The following UBE2O variants were observed in gnomAD, a reference collection of about 807,000 sequenced individuals.
UBE2O encodes ubiquitin conjugating enzyme E2 O.
Under a neutral mutation model 125.8 loss-of-function variants are expected in UBE2O, and 15 were observed. The observed-to-expected ratio is 0.12, with a 90% CI of 0.08 to 0.18. The LOEUF is 0.18. UBE2O is among the 10% of genes least tolerant of loss of function. The pLI, the probability that UBE2O is intolerant of heterozygous loss-of-function variation, is 1.00. For missense variants in UBE2O, 1,280 were observed against 1,723.6 expected (o/e 0.74, Z 4.56); for synonymous variants, 708 against 703.2 (o/e 1.01, Z -0.11).
Position 76,398,979 on chromosome 17 carries a change from C to T in UBE2O, c.1641G>A (p.Glu547=), listed in dbSNP as rs533641690. 2 of 1,613,908 alleles carry T rather than the reference C, an allele frequency of 1.2e-6. No individual in the cohort carries two copies. The highest frequency in any genetic ancestry group is 1.3e-5 in the African/African-American group (1 of 75,054). ...DFKPGDRVAV[E]VVTTMTSADV... ...CGGCTGAGGTCATCGTGGTCACCAC[C>T]TCCACTGCCACCCTGCGGGTGCAGG... The change falls in exon 10 of 18, where the codon GAG becomes GAA. Residue 547 remains glutamate (E), a synonymous_variant. Transcript: ENST00000319380. The surrounding 1 kb of genome is among the most constrained non-coding windows in gnomAD (Gnocchi z 5.4).
At chr17:76,421,656 C>T (rs930802100) in intron 1 of UBE2O, among the ~76,000 whole-genome samples, 64 of 152,238 alleles carry the variant, frequency 4.2e-4, no homozygotes, top group African/African-American at 1.4e-3. Flanking sequence ...TGAGCCACCA[C>T]GCCCGGCCCT....
Position 76,407,317 on chromosome 17 carries a change from G to A in UBE2O, c.418-1745C>T, listed in dbSNP as rs569912370. The stretch of plus-strand genomic sequence containing the variant: ...GGCTGGAGAGGCATGCTGGCGTGAC[G>A]GTGCCACTTTTCTAAATCAAAGAAT... On this transcript the variant is annotated intron_variant, in intron 1 of 17. Coordinates refer to ENST00000319380, the MANE Select transcript of UBE2O (RefSeq NM_022066.4). Among the ~76,000 whole-genome samples the A allele has an allele frequency of 5.9e-5, 9 of 152,286 alleles. No individual in the cohort carries two copies. The South Asian group carries it at 8.3e-4, about 14-fold the overall frequency.
At chr17:76,423,545 T>TA (rs2072743851) in intron 1 of UBE2O, among the ~76,000 whole-genome samples, 1 of 151,192 alleles carries the variant, frequency 6.6e-6, no homozygotes, top group South Asian at 2.1e-4. Context: ...TACAAAAAAT[T>TA]AGCCAGGCAT....
intron 1 of UBE2O, among the ~76,000 whole-genome samples, chr17:76,431,778 G>C (rs1406989305): frequency 6.6e-6 from 1 of 152,120 alleles, no homozygotes; most frequent in Non-Finnish European, 1.5e-5. Flanking sequence ...CTATGAAAAA[G>C]TAAAATTAAG....
In UBE2O at chr17:76,404,496, T is replaced by C. The variant is rs1323853307; in HGVS notation, c.588+710A>G. On this transcript the variant is annotated intron_variant, in intron 3 of 17. Transcript: ENST00000319380. This position sits in a 1 kb window ranked among gnomAD's most constrained non-coding sequence, Gnocchi z 4.3. ...AAGCGATTCCAGATTGGAGAGAAAATGAAGAGATGACAACTCAATGCAAGA... is the reference window on the plus strand; with the variant it reads ...AAGCGATTCCAGATTGGAGAGAAAACGAAGAGATGACAACTCAATGCAAGA... Among the ~76,000 whole-genome samples the C allele has an allele frequency of 1.3e-5, 2 of 151,950 alleles. No individual in the cohort carries two copies. The highest frequency in any genetic ancestry group is 2.9e-5 in the Non-Finnish European group (2 of 67,998).
At chr17:76,448,804 G>A (rs1427522220) in intron 1 of UBE2O, among the ~76,000 whole-genome samples, 1 of 152,252 alleles carries the variant, frequency 6.6e-6, no homozygotes, top group Non-Finnish European at 1.5e-5. Flanking sequence ...GCTCATGAAG[G>A]TTTAAGTGGC....
At chr17:76,420,024 A>G (rs956230266) in intron 1 of UBE2O, among the ~76,000 whole-genome samples, 12 of 152,120 alleles carry the variant, frequency 7.9e-5, no homozygotes, top group Non-Finnish European at 1.5e-5. Flanking sequence ...ACCTTGGGGC[A>G]GCAGAAAGCT....
chr17:76,429,918 G>A (rs984847852), intron 1 of UBE2O, among the ~76,000 whole-genome samples: 4 of 152,102 alleles, frequency 2.6e-5, no homozygotes, highest in Non-Finnish European at 1.5e-5. Flanking sequence ...TCTCTCACTC[G>A]CCAGCAAAGG....
rs2072344424 is a variant in UBE2O at position 76,402,445 on chromosome 17, G to C, written c.686+157C>G. Among the ~76,000 whole-genome samples, 4 of 152,162 alleles carry C rather than the reference G, an allele frequency of 2.6e-5. No homozygotes were observed. The highest frequency in any genetic ancestry group is 9.7e-5 in the African/African-American group (4 of 41,436). On this transcript the variant is annotated intron_variant, in intron 4 of 17. Transcript: ENST00000319380. This position sits in a 1 kb window ranked among gnomAD's most constrained non-coding sequence, Gnocchi z 5.4. ...AGAAATAGGCCACGGCAGATAAGGA[G>C]AACGGTACAGGGTTAGGCCCTGGAT...
In UBE2O at chr17:76,396,146, C is replaced by T. The variant is rs769258845; in HGVS notation, c.2791G>A (p.Val931Ile). The T allele has an allele frequency of 1.9e-4, 306 of 1,612,144 alleles. No homozygotes were observed. The highest frequency in any genetic ancestry group is 2.5e-4 in the Non-Finnish European group (291 of 1,179,020). The part of the protein sequence containing the change: ...FTSAKGEVFS[V>I]LEFAPSNHSF... ...GACTCACAGGGTGCAAACTCCAGTA[C>T]GGAGAAGACCTCGCCCTTGGCGCTG... Residue 931 changes from valine (V) to isoleucine (I), a missense_variant, in exon 14 of 18, where the codon GTA becomes ATA. By Grantham distance (29) the Val-to-Ile change is conservative. Transcript: ENST00000319380. The surrounding 1 kb of genome is among the most constrained non-coding windows in gnomAD (Gnocchi z 6.7).
At position 76,393,498 on chromosome 17, in the gene UBE2O, G is replaced by C. The variant is rs181797783; in HGVS notation, c.2947-1385C>G. 3.2e-3 allele frequency among the ~76,000 whole-genome samples: 494 copies of C among 152,052 alleles called. 8 individuals carry two copies. The highest frequency in any genetic ancestry group is 0.011 in the African/African-American group (456 of 41,516). On this transcript the variant is annotated intron_variant, in intron 15 of 17. Coordinates refer to ENST00000319380, the MANE Select transcript of UBE2O (RefSeq NM_022066.4). ...TCCGCCCACCTTGGCCTCCCAAAGT[G>C]CTGGGATTACAGGCGTGAGCCACCA...
chr17:76,403,003 C>CA (rs1302541158), intron 3 of UBE2O, among the ~76,000 whole-genome samples: 1 of 152,152 alleles, frequency 6.6e-6, no homozygotes, highest in Non-Finnish European at 1.5e-5. Context: ...ATGGGACATC[C>CA]ATGGACACAG....
At chr17:76,416,077 A>G (rs185038465) in intron 1 of UBE2O, among the ~76,000 whole-genome samples, 16 of 150,084 alleles carry the variant, frequency 1.1e-4, no homozygotes, top group Non-Finnish European at 1.8e-4. Flanking sequence ...ACGTATGTGT[A>G]TACATATGTA....
intron 1 of UBE2O, among the ~76,000 whole-genome samples, chr17:76,412,494 CAG>C (rs2072533563): frequency 6.6e-6 from 1 of 151,982 alleles, no homozygotes; most frequent in South Asian, 2.1e-4. Context: ...GTGGGAGAGA[CAG>C]AGCTTCCAAT....
chr17:76,446,267 G>A (rs1336008011), intron 1 of UBE2O, among the ~76,000 whole-genome samples: 3 of 152,188 alleles, frequency 2.0e-5, no homozygotes, highest in Non-Finnish European at 2.9e-5. Context: ...GACCACCAGC[G>A]GCAGCTGACA....
In UBE2O at chr17:76,401,084, G is replaced by C. The variant is rs756978878; in HGVS notation, c.821C>G (p.Ser274Cys). 5 of 1,613,966 alleles carry C rather than the reference G, an allele frequency of 3.1e-6. No individual in the cohort carries two copies. The highest frequency in any genetic ancestry group is 1.7e-5 in the Admixed American group (1 of 60,026). ...QVLIGPAKIF[S>C]SVQWLSGVKP... ...GACACCTGACAGCCACTGGACGCTG[G>C]AGAAGATCTTGGCAGGGCCAATGAG... Residue 274 changes from serine to cysteine, a missense_variant, in exon 6 of 18, where the codon TCC (serine) becomes TGC (cysteine). By Grantham distance (112) the Ser-to-Cys change is moderately radical. This residue lies in a region of UBE2O where 206 missense variants were observed against 315.7 expected (regional missense o/e 0.65). Coordinates refer to ENST00000319380, the MANE Select transcript of UBE2O (RefSeq NM_022066.4).
rs2143724233 is a variant in UBE2O, at chr17:76,404,099, C to T, written c.588+1107G>A. ...GAGGGGAACAAGGGAGTCATAGAAC[C>T]ACCATTTAGCAACATCAGAGCAATG... On this transcript the variant is annotated intron_variant, in intron 3 of 17. Transcript: ENST00000319380. The surrounding 1 kb of genome is among the most constrained non-coding windows in gnomAD (Gnocchi z 4.3). Among the ~76,000 whole-genome samples, 1 of 152,312 alleles carries T rather than the reference C, an allele frequency of 6.6e-6. No individual in the cohort carries two copies. Among genetic ancestry groups the T allele is most frequent in the East Asian group, 1.9e-4 (1 of 5,194 alleles).
Position 76,390,688 on chromosome 17 carries a change from A to G in UBE2O, c.*255T>C. 2.5e-6 allele frequency: 1 copy of G among 400,378 alleles called. No individual in the cohort carries two copies. Among genetic ancestry groups the G allele is most frequent in the South Asian group, 4.4e-5 (1 of 22,822 alleles). The allele number at this position is 400,378 out of a possible 1,614,324, so 24.8% of individuals were successfully genotyped here. On this transcript the variant is annotated 3_prime_UTR_variant, in exon 18 of 18. Transcript: ENST00000319380. ...TGCCGGACATTCTGCTGGGGTGACA[A>G]ATGGAAAATCGGCAACAGGGTTCCG...
chr17:76,430,554 T>C (rs779928290), intron 1 of UBE2O: 2 of 267,770 alleles, frequency 7.5e-6, no homozygotes, highest in Non-Finnish European at 1.5e-5. Context: ...ATAGAGCTCA[T>C]GAATCAGATC....
Sources: gnomAD v4.1 joint callset for allele counts (sites outside exome capture counted in the v4.1 genomes callset) on GRCh38, gnomAD v4.1.1 for gene constraint, gnomAD v4.1.1 regional missense constraint, Gnocchi (gnomAD v3.1) non-coding constraint, MANE v1.5 for transcripts, NCBI Gene and HGNC (gene_info 2026-07-23, HGNC 2026-07-21) for gene names.